ZNF724: variants seen among roughly 807,000 people sequenced by gnomAD.
ZNF724 encodes zinc finger protein 724 pseudogene.
A neutral mutation model predicts 29.3 loss-of-function variants in ZNF724; 14 were observed. The observed-to-expected ratio is 0.48, with a 90% CI of 0.32 to 0.75. The LOEUF (loss-of-function observed/expected upper bound fraction) is 0.75. Among genes scored for constraint, ZNF724 ranks in the 30% least tolerant of loss-of-function variants. The pLI, the probability that ZNF724 is intolerant of heterozygous loss-of-function variation, is 0.04. For missense variants in ZNF724, 557 were observed against 571.2 expected, an observed-to-expected ratio of 0.98 and a Z score of 0.25; for synonymous variants, 180 against 193.6, an observed-to-expected ratio of 0.93 and a Z score of 0.58.
chr19:23,222,300 A>G lies in ZNF724; in HGVS notation c.*85T>C. ...CTCTTCGTTGGCCAGGATGGTCTCA[A>G]TCTCTTGATCTTGTGATCCACCCGC... On this transcript the variant is annotated 3_prime_UTR_variant, in exon 4 of 4. Transcript: ENST00000418100. 1 of 645,908 alleles carries G rather than the reference A, an allele frequency of 1.5e-6. No individual in the cohort carries two copies. Among genetic ancestry groups the G allele is most frequent in the South Asian group, 2.0e-5 (1 of 51,148 alleles). The allele number at this position is 645,908 out of a possible 1,614,324, so 40.0% of individuals were successfully genotyped here.
chr19:23,233,963 C>T (rs964262978), intron 1 of ZNF724, among the ~76,000 whole-genome samples: 11 of 151,638 alleles, frequency 7.3e-5, no homozygotes, highest in African/African-American at 2.7e-4. Flanking sequence ...AGAAAAAGTC[C>T]ACCCATTTCT....
chr19:23,242,418 A>G (rs1293754801), intron 1 of ZNF724, among the ~76,000 whole-genome samples: 1 of 152,020 alleles, frequency 6.6e-6, no homozygotes, highest in Non-Finnish European at 1.5e-5. Flanking sequence ...ATTTCTACAA[A>G]AAAAATACTA....
intron 3 of ZNF724, among the ~76,000 whole-genome samples, chr19:23,228,046 G>A (rs570662975): frequency 6.6e-6 from 1 of 152,242 alleles, no homozygotes; most frequent in South Asian, 2.1e-4. Context: ...TCTCACACCT[G>A]TAATGACAGC....
chr19:23,223,432 T>G lies in ZNF724; in HGVS notation c.813A>C (p.Thr271=), dbSNP rs1381586372. ...TCTCTCCAGTATGAATTATCTTATGTGTAGTAAGGTGTGAGGATATGTTAA... is the reference window on the plus strand; with the variant it reads ...TCTCTCCAGTATGAATTATCTTATGGGTAGTAAGGTGTGAGGATATGTTAA... ...KAFNISSHLT[T]HKIIHTGENA... Residue 271 remains threonine (T), a synonymous_variant, in exon 4 of 4, where the codon ACA becomes ACC. Coordinates refer to ENST00000418100, the MANE Select transcript of ZNF724 (RefSeq NM_001355404.2). 1 of 768,854 alleles carries G rather than the reference T, an allele frequency of 1.3e-6. No homozygotes were observed. The highest frequency in any genetic ancestry group is 1.4e-5 in the South Asian group (1 of 73,578). 47.6% of individuals were successfully genotyped at this position (768,854 alleles called of 1,614,324 possible).
intron 1 of ZNF724, among the ~76,000 whole-genome samples, chr19:23,246,072 A>G (rs1436950663): frequency 1.3e-5 from 2 of 152,144 alleles, no homozygotes; most frequent in Non-Finnish European, 2.9e-5. Context: ...CAGGATCAAT[A>G]TGAGCCTTTA....
chr19:23,242,365 G>C (rs1258403623), intron 1 of ZNF724, among the ~76,000 whole-genome samples: 1 of 151,404 alleles, frequency 6.6e-6, no homozygotes, highest in Admixed American at 6.6e-5. Context: ...GATTGCCTGA[G>C]CTCAGGAGTT....
chr19:23,232,127 T>A, intron 2 of ZNF724, 40 bp downstream of exon 2: 1 of 1,248,960 alleles, frequency 8.0e-7, no homozygotes, highest in Non-Finnish European at 1.2e-6. Context: ...AACGAAATAT[T>A]TAGGGTAGAT....
At chr19:23,239,689 T>C (rs1972084447) in intron 1 of ZNF724, among the ~76,000 whole-genome samples, 1 of 152,134 alleles carries the variant, frequency 6.6e-6, no homozygotes, top group Non-Finnish European at 1.5e-5. Context: ...CACTCGCCTG[T>C]AATCTCAGCT....
chr19:23,247,513 C>T (rs1313758098), intron 1 of ZNF724, among the ~76,000 whole-genome samples: 1 of 152,142 alleles, frequency 6.6e-6, no homozygotes, highest in Non-Finnish European at 1.5e-5. Flanking sequence ...TCAGGCCATC[C>T]AATCCCTGGA....
intron 1 of ZNF724, among the ~76,000 whole-genome samples, chr19:23,240,381 T>A (rs556856298): frequency 6.8e-6 from 1 of 146,054 alleles, no homozygotes; most frequent in South Asian, 2.2e-4. Flanking sequence ...GACCAAAAAA[T>A]GAGAATGGCA....
chr19:23,224,335 C>T (rs979450468), intron 3 of ZNF724, among the ~76,000 whole-genome samples: 3 of 152,068 alleles, frequency 2.0e-5, no homozygotes, highest in Non-Finnish European at 2.9e-5. Flanking sequence ...ATCGCTTGAA[C>T]CTGAGCGGCA....
intron 1 of ZNF724, among the ~76,000 whole-genome samples, chr19:23,233,996 C>T (rs914214394): frequency 6.6e-6 from 1 of 152,082 alleles, no homozygotes; most frequent in Non-Finnish European, 1.5e-5. Flanking sequence ...AGAAAAGATT[C>T]AGAAACAATG....
intron 3 of ZNF724, among the ~76,000 whole-genome samples, chr19:23,224,557 C>T (rs1971790463): frequency 6.6e-6 from 1 of 151,958 alleles, no homozygotes; most frequent in Admixed American, 6.6e-5. Context: ...TACAGTGCCC[C>T]AGGAGGTGAG....
chr19:23,235,817 A>C (rs1972014350), intron 1 of ZNF724, among the ~76,000 whole-genome samples: 1 of 152,188 alleles, frequency 6.6e-6, no homozygotes, highest in Non-Finnish European at 1.5e-5. Flanking sequence ...TAAAAGAAAA[A>C]ATTTCTCCAG....
intron 3 of ZNF724, among the ~76,000 whole-genome samples, chr19:23,227,784 G>A (rs986789774): frequency 1.1e-4 from 16 of 152,070 alleles, no homozygotes; most frequent in African/African-American, 3.9e-4. Flanking sequence ...TAAATATGGA[G>A]TGCCTACTAA....
chr19:23,245,389 G>A (rs1183739819), intron 1 of ZNF724, among the ~76,000 whole-genome samples: 2 of 152,136 alleles, frequency 1.3e-5, no homozygotes, highest in Non-Finnish European at 2.9e-5. Flanking sequence ...CAAGGCAGGT[G>A]GATCACGAGG....
chr19:23,222,910 A>G lies in ZNF724; in HGVS notation c.1335T>C (p.Thr445=). Residue 445 remains threonine, a synonymous_variant, in exon 4 of 4, where the codon ACT becomes ACC. Transcript: ENST00000418100. ...SQLTTHKIIH[T]GEKPYKCKEC... is the part of the protein sequence containing the mutation. Reference sequence around the variant, plus strand: ...CTTTACATTTGTAGGGTTTCTCTCCAGTATGAATTATCTTATGTGTAGTAA... The same window carrying G: ...CTTTACATTTGTAGGGTTTCTCTCCGGTATGAATTATCTTATGTGTAGTAA... 1.4e-6 allele frequency: 2 copies of G among 1,391,336 alleles called. No homozygotes were observed. Among genetic ancestry groups the G allele is most frequent in the Non-Finnish European group, 2.0e-6 (2 of 978,502 alleles). 86.2% of individuals were successfully genotyped at this position (1,391,336 alleles called of 1,614,324 possible).
rs1429913422 is a variant in ZNF724, at chr19:23,221,907, AAAAT to A, written c.*474_*477del. ...TCTTGATATTTTAATGCTTGTCTTC[AAAAT>A]AAATACTCTTCTTCACTTTAAAGGC... On this transcript the variant is annotated 3_prime_UTR_variant, in exon 4 of 4. Transcript: ENST00000418100. The A allele has an allele frequency of 2.6e-5, 4 of 155,724 alleles. No homozygotes were observed. The highest frequency in any genetic ancestry group is 6.3e-5 in the Admixed American group (1 of 15,934). The allele number at this position is 155,724 out of a possible 1,614,324, so 9.6% of individuals were successfully genotyped here.
intron 1 of ZNF724, among the ~76,000 whole-genome samples, chr19:23,243,551 G>C (rs1972176649): frequency 6.8e-6 from 1 of 146,312 alleles, no homozygotes; most frequent in African/African-American, 2.6e-5. Flanking sequence ...TCATTTATAA[G>C]TAAGAGCTAA....
Sources: gnomAD v4.1 joint callset for allele counts (sites outside exome capture counted in the v4.1 genomes callset) on GRCh38, gnomAD v4.1.1 for gene constraint, MANE v1.5 for transcripts, NCBI Gene and HGNC (gene_info 2026-07-23, HGNC 2026-07-21) for gene names.